RTL1: variants seen among roughly 807,000 people sequenced by gnomAD.
RTL1 encodes the protein retrotransposon-like protein 1.
For synonymous variants in RTL1, 727 were observed against 748.4 expected (o/e 0.97, Z 0.47); for missense variants, 1,681 against 1,767.5 (o/e 0.95, Z 0.88).
chr14:100,891,920 G>T (rs2038785004), intron 3 of RTL1, among the ~76,000 whole-genome samples: 1 of 152,176 alleles, frequency 6.6e-6, no homozygotes, highest in Non-Finnish European at 1.5e-5. Flanking sequence ...AGAGGTGCCT[G>T]CGGGGGTCCC....
rs1440811857 is a variant in RTL1 at position 100,882,023 on chromosome 14, C to A, written c.2766G>T (p.Met922Ile). ...AGGCAGCCCGTATTGGAAGAATCTT[C>A]ATCTCCGCTTGAGAGTACTCAACCT... is the stretch of plus-strand genomic sequence containing the variant. The part of the protein sequence containing the change: ...PIEVEYSQAE[M>I]KILPIRAAFM... The change falls in exon 4 of 4, where the codon ATG becomes ATT. Residue 922 changes from methionine to isoleucine, a missense_variant. Physicochemically the swap from Met to Ile is conservative, Grantham distance 10 (BLOSUM62 1). Coordinates refer to ENST00000649591, the MANE Select transcript of RTL1 (RefSeq NM_001134888.3). The A allele has an allele frequency of 6.2e-7, 1 of 1,613,602 alleles. No homozygotes were observed. Among genetic ancestry groups the A allele is most frequent in the East Asian group, 2.2e-5 (1 of 44,862 alleles).
In RTL1 at chr14:100,883,795, C is replaced by G. The variant is rs1364005221; in HGVS notation, c.994G>C (p.Glu332Gln). The G allele has an allele frequency of 1.9e-6, 3 of 1,551,682 alleles. No individual in the cohort carries two copies. The highest frequency in any genetic ancestry group is 1.7e-6 in the Non-Finnish European group (2 of 1,146,982). Residue 332 changes from glutamate (E) to glutamine (Q), a missense_variant, in exon 4 of 4, where the codon GAG becomes CAG. Glu to Gln is a conservative substitution (Grantham distance 29, BLOSUM62 2). Coordinates refer to ENST00000649591, the MANE Select transcript of RTL1 (RefSeq NM_001134888.3). This position sits in a 1 kb window ranked among gnomAD's most constrained non-coding sequence, Gnocchi z 5.9. Reference sequence around the variant, plus strand: ...CGGAATAGATAGTGCCTGATCTCCTCGTTGAGCCCCTGGCACAAGTGGGCC... The same window carrying G: ...CGGAATAGATAGTGCCTGATCTCCTGGTTGAGCCCCTGGCACAAGTGGGCC... Reference protein sequence around the residue: ...LQAHLCQGLNEEIRHYLFRVP... With the variant: ...LQAHLCQGLNQEIRHYLFRVP...
At position 100,903,313 on chromosome 14, in the gene RTL1, C is replaced by A. The variant is rs755830; in HGVS notation, c.-171G>T. ...TACCTTCCCCGGGCCCAGTCCCAAG[C>A]GTGAGGCTGGGGATGAAGTGATGCC... On this transcript the variant is annotated 5_prime_UTR_variant, in exon 2 of 4. Coordinates refer to ENST00000649591, the MANE Select transcript of RTL1 (RefSeq NM_001134888.3). Among the ~76,000 whole-genome samples the A allele has an allele frequency of 0.82, 124,979 of 151,964 alleles. 51,590 individuals are homozygous for A. The highest frequency in any genetic ancestry group is 0.99 in the East Asian group (5,116 of 5,148).
intron 2 of RTL1, among the ~76,000 whole-genome samples, chr14:100,900,029 G>T (rs750794447): frequency 2.6e-5 from 4 of 152,244 alleles, no homozygotes; most frequent in Admixed American, 2.6e-4. Flanking sequence ...ACACCTGGGG[G>T]CCGGGGAAGG....
Position 100,881,076 on chromosome 14 carries a change from T to A in RTL1, c.3713A>T (p.Asp1238Val). Residue 1238 changes from aspartate (D) to valine (V), a missense_variant, in exon 4 of 4, where the codon GAC becomes GTC. Transcript: ENST00000649591. The surrounding 1 kb of genome is among the most constrained non-coding windows in gnomAD (Gnocchi z 6.6). ...ACACTGACGGTAACGTTGCAGGTCG[T>A]CTTGCAGGGCTTCTCGCAAGACGAC... The part of the protein sequence containing the change: ...EDVVLREALQ[D>V]DLQRYRQCGL... The A allele has an allele frequency of 1.2e-6, 2 of 1,601,672 alleles. No individual in the cohort carries two copies. The highest frequency in any genetic ancestry group is 1.7e-6 in the Non-Finnish European group (2 of 1,174,332).
chr14:100,891,553 C>G (rs1423073219), intron 3 of RTL1, among the ~76,000 whole-genome samples: 2 of 152,238 alleles, frequency 1.3e-5, no homozygotes, highest in Admixed American at 1.3e-4. Context: ...GCTCCTGCTG[C>G]TGTGTCCCTG....
intron 3 of RTL1, among the ~76,000 whole-genome samples, chr14:100,889,108 C>A (rs1365899257): frequency 6.6e-6 from 1 of 152,194 alleles, no homozygotes; most frequent in African/African-American, 2.4e-5. Context: ...TGGCAAAAAT[C>A]CAAACTCCTT....
Position 100,884,387 on chromosome 14 carries a change from T to C in RTL1, c.402A>G (p.Glu134=). ...ASVNPSGARE[E]QEAHTDLKES... ...CCTTCAGGTCAGTGTGAGCCTCTTGTTCTTCTCGGGCTCCCGATGGGTTGA... is the reference window on the plus strand; with the variant it reads ...CCTTCAGGTCAGTGTGAGCCTCTTGCTCTTCTCGGGCTCCCGATGGGTTGA... The change falls in exon 4 of 4, where the codon GAA becomes GAG. Residue 134 remains glutamate, a synonymous_variant. Transcript: ENST00000649591. The C allele has an allele frequency of 3.2e-6, 5 of 1,587,084 alleles. No homozygotes were observed. The highest frequency in any genetic ancestry group is 4.3e-6 in the Non-Finnish European group (5 of 1,164,976).
chr14:100,899,217 A>G (rs10873522), intron 2 of RTL1: 131,267 of 152,384 alleles, frequency 0.86, 56,771 homozygotes, highest in East Asian at 0.99. Flanking sequence ...CAGAACCCAG[A>G]GTCATGGGGT....
At position 100,884,578 on chromosome 14, in the gene RTL1, T is replaced by C; in HGVS notation, c.211A>G (p.Thr71Ala). 1.9e-6 allele frequency: 3 copies of C among 1,613,484 alleles called. No homozygotes were observed. Among genetic ancestry groups the C allele is most frequent in the Non-Finnish European group, 2.5e-6 (3 of 1,179,466 alleles). The change falls in exon 4 of 4, where the codon ACT becomes GCT. Residue 71 changes from threonine (T) to alanine (A), a missense_variant. Thr to Ala is a moderately conservative substitution (Grantham distance 58). Transcript: ENST00000649591. Reference protein sequence around the residue: ...GPLQEMEELPTDLLQDMEEPS... With the variant: ...GPLQEMEELPADLLQDMEEPS... ...TCCTCCATGTCTTGGAGTAGATCAG[T>C]GGGCAGCTCTTCCATTTCCTGGAGT...
chr14:100,888,366 A>G (rs562579195), intron 3 of RTL1, among the ~76,000 whole-genome samples: 2 of 152,336 alleles, frequency 1.3e-5, no homozygotes, highest in African/African-American at 4.8e-5. Flanking sequence ...AGTCCCAACT[A>G]CTTAACACAA....
intron 2 of RTL1, among the ~76,000 whole-genome samples, chr14:100,900,861 T>A (rs1243720850): frequency 6.6e-6 from 1 of 152,058 alleles, no homozygotes; most frequent in Non-Finnish European, 1.5e-5. Context: ...TCCCAAACAT[T>A]TTCACACCTG....
intron 3 of RTL1, among the ~76,000 whole-genome samples, chr14:100,885,229 A>G (rs1232817360): frequency 6.6e-6 from 1 of 152,218 alleles, no homozygotes; most frequent in Non-Finnish European, 1.5e-5. Flanking sequence ...CCCCTGGCAC[A>G]TGCACCTGGT....
intron 2 of RTL1, among the ~76,000 whole-genome samples, chr14:100,902,095 C>G (rs959291185): frequency 6.6e-6 from 1 of 152,230 alleles, no homozygotes; most frequent in Non-Finnish European, 1.5e-5. Flanking sequence ...CCTCTCTCCC[C>G]TCGGATGCCT....
chr14:100,882,396 G>A lies in RTL1; in HGVS notation c.2393C>T (p.Thr798Ile), dbSNP rs1339083543. 1 of 1,551,960 alleles carries A rather than the reference G, an allele frequency of 6.4e-7. No homozygotes were observed. The highest frequency in any genetic ancestry group is 8.7e-7 in the Non-Finnish European group (1 of 1,147,066). The change falls in exon 4 of 4, where the codon ACA becomes ATA. Residue 798 changes from threonine to isoleucine, a missense_variant. Transcript: ENST00000649591. ...CTTGGAGCCAGGGGTAGGGTACCCT[G>A]TTATGATGGTCATGACGTTCTTGTT... is the stretch of plus-strand genomic sequence containing the variant. ...KLNKNVMTII[T>I]GYPTPGSKLS...
intron 2 of RTL1, among the ~76,000 whole-genome samples, chr14:100,899,771 G>A (rs2038917122): frequency 6.6e-6 from 1 of 150,770 alleles, no homozygotes; most frequent in Admixed American, 6.6e-5. Context: ...TCTCAATGAG[G>A]AAATAACGCA....
intron 3 of RTL1, among the ~76,000 whole-genome samples, chr14:100,892,817 CT>C (rs1162045145): frequency 6.6e-6 from 1 of 152,136 alleles, no homozygotes; most frequent in African/African-American, 2.4e-5. Flanking sequence ...AAATGAGTCT[CT>C]GAGTACCTGC....
At chr14:100,891,686 CCTT>C (rs1385672005) in intron 3 of RTL1, among the ~76,000 whole-genome samples, 2 of 152,316 alleles carry the variant, frequency 1.3e-5, no homozygotes, top group East Asian at 1.9e-4. Flanking sequence ...GTGAGCTTGT[CCTT>C]CTTGTCTTGC....
At chr14:100,892,108 T>C (rs2038787816) in intron 3 of RTL1, among the ~76,000 whole-genome samples, 1 of 152,198 alleles carries the variant, frequency 6.6e-6, no homozygotes, top group Non-Finnish European at 1.5e-5. Context: ...TCTCTTCTAA[T>C]GGCTTGTCTT....
Sources: allele counts gnomAD v4.1 joint callset (sites outside exome capture counted in the v4.1 genomes callset), GRCh38; gene constraint gnomAD v4.1.1; non-coding constraint Gnocchi (gnomAD v3.1); transcripts MANE v1.5; gene names NCBI Gene and HGNC (gene_info 2026-07-23, HGNC 2026-07-21).